The following CACHD1 variants were observed in gnomAD, a reference collection of about 807,000 sequenced individuals.
The protein encoded by CACHD1 is VWFA and cache domain-containing protein 1.
In CACHD1, 71 loss-of-function variants were observed where a neutral mutation model predicts 138.7. The ratio of observed to expected loss-of-function variants is 0.51; its 90% CI spans 0.42 to 0.62. CACHD1 has a LOEUF of 0.62. CACHD1 is among the 20% of genes least tolerant of loss of function. CACHD1 has a pLI of 0.00. For missense variants in CACHD1, 1,389 were observed against 1,625.3 expected, an observed-to-expected ratio of 0.85 and a Z score of 2.50; for synonymous variants, 578 against 591.5, an observed-to-expected ratio of 0.98 and a Z score of 0.33.
chr1:64,559,483 C>A (rs1163080328), intron 2 of CACHD1, among the ~76,000 whole-genome samples: 1 of 152,044 alleles, frequency 6.6e-6, no homozygotes, highest in Non-Finnish European at 1.5e-5. Flanking sequence ...ACAACAGACA[C>A]TGGGGTTTAC....
rs572440113 is a variant in CACHD1, at chr1:64,477,701, T to C, written c.198+6759T>C. Among the ~76,000 whole-genome samples, 6 of 150,988 alleles carry C rather than the reference T, an allele frequency of 4.0e-5. No individual in the cohort carries two copies. The East Asian group carries it at 1.2e-3, about 29-fold the overall frequency. ...GGACTGCGGACTGCAGTGGCACAAT[T>C]TCGGCTCACTGCAAGCTCTGCTTCC... On this transcript the variant is annotated intron_variant, in intron 1 of 26. Coordinates refer to ENST00000651257, the MANE Select transcript of CACHD1 (RefSeq NM_020925.4).
intron 2 of CACHD1, among the ~76,000 whole-genome samples, chr1:64,568,507 G>A (rs1002377926): frequency 1.9e-4 from 29 of 152,180 alleles, no homozygotes; most frequent in Admixed American, 1.0e-3. Context: ...GGCACAGAGA[G>A]AGGAAGCCAC....
chr1:64,685,742 G>T (rs1056532014), intron 26 of CACHD1, among the ~76,000 whole-genome samples: 3 of 151,944 alleles, frequency 2.0e-5, no homozygotes, highest in Admixed American at 6.6e-5. Flanking sequence ...GGAGACTGAG[G>T]TGGGAAGATC....
intron 23 of CACHD1, among the ~76,000 whole-genome samples, 160 bp downstream of exon 23, chr1:64,678,470 C>T (rs934558875): frequency 6.6e-6 from 1 of 152,126 alleles, no homozygotes; most frequent in Non-Finnish European, 1.5e-5. Flanking sequence ...TCAGAACTGG[C>T]TAAATATTCT....
chr1:64,562,576 A>ATTTTTTT (rs56286973), intron 2 of CACHD1, among the ~76,000 whole-genome samples: 1 of 134,444 alleles, frequency 7.4e-6, no homozygotes, highest in African/African-American at 2.9e-5. Context: ...CACCTGGCTA[A>ATTTTTTT]TTTTTTTTTT....
chr1:64,515,521 G>A (rs1479118256), intron 1 of CACHD1, among the ~76,000 whole-genome samples: 3 of 152,118 alleles, frequency 2.0e-5, no homozygotes, highest in Non-Finnish European at 4.4e-5. Context: ...GTATCTCAAA[G>A]CATTTTTTCC....
At chr1:64,615,842 C>A (rs1647689512) in intron 4 of CACHD1, among the ~76,000 whole-genome samples, 1 of 152,168 alleles carries the variant, frequency 6.6e-6, no homozygotes, top group African/African-American at 2.4e-5. Flanking sequence ...TGAGCCCAGA[C>A]ACACAATATA....
In CACHD1 at chr1:64,654,823, G is replaced by A; in HGVS notation, c.1782+20G>A. ...AAGATGGTGAGTGAGAGGAAGTTGTGTTTGCTTGAAGAGCTACAGGGTACA... is the reference window on the plus strand; with the variant it reads ...AAGATGGTGAGTGAGAGGAAGTTGTATTTGCTTGAAGAGCTACAGGGTACA... On this transcript the variant is annotated intron_variant, in intron 12 of 26. Transcript: ENST00000651257. 6.4e-7 allele frequency: 1 copy of A among 1,566,742 alleles called. No individual in the cohort carries two copies. The highest frequency in any genetic ancestry group is 1.1e-5 in the South Asian group (1 of 90,120).
At chr1:64,614,396 C>T (rs1647638844) in intron 4 of CACHD1, among the ~76,000 whole-genome samples, 1 of 152,108 alleles carries the variant, frequency 6.6e-6, no homozygotes, top group Admixed American at 6.5e-5. Flanking sequence ...CTGTGTGTTG[C>T]TTTTCTTTTT....
At position 64,582,265 on chromosome 1, in the gene CACHD1, C is replaced by T. The variant is rs777345876; in HGVS notation, c.371C>T (p.Ala124Val). The stretch of plus-strand genomic sequence containing the variant: ...GCTCACCTAACCTCTCCCCTAACTG[C>T]AATTCAAGACTGCTGTACTATCCCA... ...YTAHLTSPLTAIQDCCTIPPS... is the reference protein window; with the variant it reads ...YTAHLTSPLTVIQDCCTIPPS... Residue 124 changes from alanine (A) to valine (V), a missense_variant, in exon 3 of 27, where the codon GCA (alanine) becomes GTA (valine). By Grantham distance (64) the Ala-to-Val change is moderately conservative. Coordinates refer to ENST00000651257, the MANE Select transcript of CACHD1 (RefSeq NM_020925.4). 6 of 1,613,872 alleles carry T rather than the reference C, an allele frequency of 3.7e-6. No individual in the cohort carries two copies. The South Asian group carries it at 5.5e-5, about 15-fold the overall frequency.
rs1411876038 is a variant in CACHD1, at chr1:64,500,729, A to C, written c.198+29787A>C. 5.8e-4 allele frequency among the ~76,000 whole-genome samples: 28 copies of C among 48,122 alleles called. No individual in the cohort carries two copies. In the Admixed American group the frequency reaches 7.3e-3, roughly 13 times the overall value. The allele number at this position is 48,122 out of a possible 152,430, so 31.6% of individuals were successfully genotyped here. On this transcript the variant is annotated intron_variant, in intron 1 of 26. Transcript: ENST00000651257. Reference sequence around the variant, plus strand: ...AGACCTTGTCTCTTAAAAAAAAAAAAAAAAAAGAGAGAGAGAGAGAGAGAG... The same window carrying C: ...AGACCTTGTCTCTTAAAAAAAAAAACAAAAAAGAGAGAGAGAGAGAGAGAG...
At chr1:64,557,330 AAG>A (rs2100472100) in intron 2 of CACHD1, among the ~76,000 whole-genome samples, 1 of 152,286 alleles carries the variant, frequency 6.6e-6, no homozygotes, top group South Asian at 2.1e-4. Flanking sequence ...GACTTGTTTC[AAG>A]AGTTTACTCT....
chr1:64,620,244 CT>C (rs1647861069), intron 4 of CACHD1, among the ~76,000 whole-genome samples: 1 of 152,130 alleles, frequency 6.6e-6, no homozygotes, highest in Non-Finnish European at 1.5e-5. Context: ...ACCATATTGA[CT>C]TTGGAAACAG....
chr1:64,662,569 G>T (rs546331489), intron 13 of CACHD1, among the ~76,000 whole-genome samples: 1 of 152,182 alleles, frequency 6.6e-6, no homozygotes, highest in Non-Finnish European at 1.5e-5. Context: ...AAGACATGAC[G>T]TGTGAGAACT....
intron 1 of CACHD1, among the ~76,000 whole-genome samples, chr1:64,508,996 GC>G (rs1167416086): frequency 6.6e-6 from 1 of 152,092 alleles, no homozygotes; most frequent in Non-Finnish European, 1.5e-5. Context: ...TGCCCAGATG[GC>G]AAGCACAAAG....
chr1:64,490,127 C>T (rs1038559970), intron 1 of CACHD1, among the ~76,000 whole-genome samples: 1 of 152,106 alleles, frequency 6.6e-6, no homozygotes, highest in Non-Finnish European at 1.5e-5. Flanking sequence ...CCCTGTCCAC[C>T]GATCAGGAAT....
In CACHD1 at chr1:64,642,868, G is replaced by A. The variant is rs551331260; in HGVS notation, c.1156+899G>A. Reference sequence around the variant, plus strand: ...GACCTGGCCAACAATGTGAAACCTCGTCTCTACTAAAAATACAAAAATTAG... The same window carrying A: ...GACCTGGCCAACAATGTGAAACCTCATCTCTACTAAAAATACAAAAATTAG... On this transcript the variant is annotated intron_variant, in intron 8 of 26. Coordinates refer to ENST00000651257, the MANE Select transcript of CACHD1 (RefSeq NM_020925.4). 1.3e-4 allele frequency among the ~76,000 whole-genome samples: 20 copies of A among 150,670 alleles called. 1 individual carries two copies. Among genetic ancestry groups the A allele is most frequent in the African/African-American group, 3.4e-4 (14 of 40,968 alleles).
intron 2 of CACHD1, among the ~76,000 whole-genome samples, chr1:64,562,550 C>A (rs4915985): frequency 6.7e-6 from 1 of 149,394 alleles, no homozygotes; most frequent in Non-Finnish European, 1.5e-5. Context: ...GCTGGGATTA[C>A]AGGCATGTGC....
At position 64,476,319 on chromosome 1, in the gene CACHD1, A is replaced by G. The variant is rs1570288707; in HGVS notation, c.198+5377A>G. On this transcript the variant is annotated intron_variant, in intron 1 of 26. Coordinates refer to ENST00000651257, the MANE Select transcript of CACHD1 (RefSeq NM_020925.4). ...CCTAGAGCTTCTGTGGTTATTGGAC[A>G]TAAATATCTTGCTGGCTCTATTATA... is the stretch of plus-strand genomic sequence containing the variant. Among the ~76,000 whole-genome samples the G allele has an allele frequency of 2.0e-5, 3 of 152,354 alleles. No individual in the cohort carries two copies. In the South Asian group the frequency reaches 6.2e-4, roughly 32 times the overall value.
Sources: gnomAD v4.1 joint callset for allele counts (sites outside exome capture counted in the v4.1 genomes callset) on GRCh38, gnomAD v4.1.1 for gene constraint, MANE v1.5 for transcripts, NCBI Gene and HGNC (gene_info 2026-07-23, HGNC 2026-07-21) for gene names.